ROCK2: variants seen among roughly 807,000 people sequenced by gnomAD.
The protein encoded by ROCK2 is rho-associated protein kinase 2.
A neutral mutation model predicts 195.1 loss-of-function variants in ROCK2; 61 were observed. The ratio of observed to expected loss-of-function variants is 0.31; its 90% CI spans 0.25 to 0.39. The LOEUF (loss-of-function observed/expected upper bound fraction) is 0.39. Among genes scored for constraint, ROCK2 ranks in the 10% least tolerant of loss-of-function variants. The pLI is 1.00. For synonymous variants in ROCK2, 504 were observed against 545.5 expected, an observed-to-expected ratio of 0.92 and a Z score of 1.06; for missense variants, 1,109 against 1,637.4, an observed-to-expected ratio of 0.68 and a Z score of 5.57.
intron 7 of ROCK2, among the ~76,000 whole-genome samples, chr2:11,222,886 A>G (rs753490608): frequency 6.6e-6 from 1 of 152,132 alleles, no homozygotes; most frequent in Non-Finnish European, 1.5e-5. Context: ...TTTTCCACCT[A>G]TAATCATTCC....
chr2:11,343,692 C>A (rs758235980), intron 1 of ROCK2, among the ~76,000 whole-genome samples: 1 of 152,186 alleles, frequency 6.6e-6, no homozygotes, highest in Non-Finnish European at 1.5e-5. Context: ...CAGTCCTCCA[C>A]CCACCTCCCC....
At chr2:11,317,610 ATATTT>A (rs1432343652) in intron 1 of ROCK2, among the ~76,000 whole-genome samples, 2 of 16,814 alleles carry the variant, frequency 1.2e-4, no homozygotes, top group African/African-American at 4.0e-4. Flanking sequence ...ATATATATAT[ATATTT>A]TTTTTTTTTT....
intron 6 of ROCK2, among the ~76,000 whole-genome samples, chr2:11,226,686 AG>A (rs1664822082): frequency 6.6e-6 from 1 of 151,920 alleles, no homozygotes; most frequent in Non-Finnish European, 1.5e-5. Flanking sequence ...CTGAGGTGGG[AG>A]TAACACTTGA....
At chr2:11,302,678 T>C (rs773923144) in intron 1 of ROCK2, among the ~76,000 whole-genome samples, 8 of 152,154 alleles carry the variant, frequency 5.3e-5, no homozygotes, top group Non-Finnish European at 8.8e-5. Context: ...CTCTGGTAAA[T>C]GTAAAATACA....
intron 1 of ROCK2, among the ~76,000 whole-genome samples, chr2:11,307,723 C>A (rs1667902161): frequency 6.6e-6 from 1 of 152,174 alleles, no homozygotes; most frequent in Non-Finnish European, 1.5e-5. Flanking sequence ...CCCTCCATAT[C>A]CACGGTTTCT....
Position 11,217,277 on chromosome 2 carries a change from T to C in ROCK2, c.1333-108A>G, listed in dbSNP as rs776890925. ...TTTTGTCTTTCCACTAAACATAATG[T>C]CCTCTATAATGGTACAGTATTTGTA... is the stretch of plus-strand genomic sequence containing the variant. On this transcript the variant is annotated intron_variant, in intron 11 of 32. Transcript: ENST00000315872. The C allele has an allele frequency of 2.8e-5, 21 of 742,424 alleles. No homozygotes were observed. The South Asian group carries it at 2.9e-4, about 10-fold the overall frequency. 46.0% of individuals were successfully genotyped at this position (742,424 alleles called of 1,614,324 possible).
At chr2:11,300,436 G>A (rs1027641005) in intron 1 of ROCK2, among the ~76,000 whole-genome samples, 1 of 151,888 alleles carries the variant, frequency 6.6e-6, no homozygotes, top group Admixed American at 6.6e-5. Context: ...GCTTATTTTT[G>A]TACTTTTAGT....
chr2:11,321,033 T>C (rs555693048), intron 1 of ROCK2, among the ~76,000 whole-genome samples: 1 of 152,300 alleles, frequency 6.6e-6, no homozygotes, highest in East Asian at 1.9e-4. Context: ...ATTCCTGCCA[T>C]GCTAGCCAGA....
At chr2:11,183,494 G>C in intron 32 of ROCK2, 54 bp from the exon 33 acceptor site, 4 of 1,327,122 alleles carry the variant, frequency 3.0e-6, no homozygotes, top group Non-Finnish European at 4.2e-6. Context: ...ATTTAAGAGT[G>C]TTAAATTCCT....
chr2:11,283,517 C>A (rs541972230), intron 3 of ROCK2, among the ~76,000 whole-genome samples: 1 of 138,036 alleles, frequency 7.2e-6, no homozygotes, highest in East Asian at 2.2e-4. Context: ...GCCGAGATTG[C>A]GCCACTGCAG....
intron 27 of ROCK2, among the ~76,000 whole-genome samples, chr2:11,196,744 C>T (rs1663651227): frequency 6.6e-6 from 1 of 152,124 alleles, no homozygotes; most frequent in Non-Finnish European, 1.5e-5. Flanking sequence ...TCTTCTGAGT[C>T]AGAATCAGAG....
chr2:11,309,552 C>A (rs575181189), intron 1 of ROCK2, among the ~76,000 whole-genome samples: 1 of 152,064 alleles, frequency 6.6e-6, no homozygotes, highest in Non-Finnish European at 1.5e-5. Flanking sequence ...AACAGTATTG[C>A]AAATTAGGGT....
chr2:11,187,979 G>A (rs1216533449), intron 32 of ROCK2, among the ~76,000 whole-genome samples: 1 of 151,742 alleles, frequency 6.6e-6, no homozygotes, highest in Admixed American at 6.6e-5. Context: ...CTTAAAACTC[G>A]GTAAGTGAGC....
intron 5 of ROCK2, among the ~76,000 whole-genome samples, chr2:11,229,538 A>T (rs2148091311): frequency 6.6e-6 from 1 of 151,856 alleles, no homozygotes; most frequent in Admixed American, 6.6e-5. Context: ...TCTATCTCCT[A>T]AAACCAGAGG....
intron 3 of ROCK2, among the ~76,000 whole-genome samples, chr2:11,284,063 T>C (rs1667107420): frequency 6.6e-6 from 1 of 152,170 alleles, no homozygotes; most frequent in African/African-American, 2.4e-5. Flanking sequence ...CAACAGAATA[T>C]TGTTTAGTAA....
At chr2:11,259,310 T>C (rs1467146939) in intron 3 of ROCK2, among the ~76,000 whole-genome samples, 1 of 6,452 alleles carries the variant, frequency 1.5e-4, no homozygotes, top group African/African-American at 2.2e-4. Context: ...CAGACTGAAG[T>C]ATCTTTGCAT....
intron 1 of ROCK2, among the ~76,000 whole-genome samples, chr2:11,296,052 A>AGAGAGAGAGAG (rs1558370127): frequency 6.5e-4 from 31 of 47,872 alleles, no homozygotes; most frequent in Non-Finnish European, 1.1e-3. Flanking sequence ...GAGAGAGAGA[A>AGAGAGAGAGAG]AACAAAGGGT....
At chr2:11,250,123 T>TAA (rs1665779295) in intron 3 of ROCK2, among the ~76,000 whole-genome samples, 2 of 152,282 alleles carry the variant, frequency 1.3e-5, no homozygotes, top group South Asian at 4.1e-4. Flanking sequence ...TATTGTTAAA[T>TAA]AAGAAACTTA....
At position 11,282,243 on chromosome 2, in the gene ROCK2, C is replaced by T. The variant is rs548266725; in HGVS notation, c.324+4296G>A. Reference sequence around the variant, plus strand: ...GCACACGCTTGTAGTCCCAGCTACTCGAGAGGCTGGGGCAGCAGGATCACC... The same window carrying T: ...GCACACGCTTGTAGTCCCAGCTACTTGAGAGGCTGGGGCAGCAGGATCACC... On this transcript the variant is annotated intron_variant, in intron 3 of 32. Coordinates refer to ENST00000315872, the MANE Select transcript of ROCK2 (RefSeq NM_004850.5). Among the ~76,000 whole-genome samples, 7 of 152,012 alleles carry T rather than the reference C, an allele frequency of 4.6e-5. No homozygotes were observed. In the East Asian group the frequency reaches 9.7e-4, roughly 21 times the overall value.
Sources: allele counts gnomAD v4.1 joint callset (sites outside exome capture counted in the v4.1 genomes callset), GRCh38; gene constraint gnomAD v4.1.1; transcripts MANE v1.5; gene names NCBI Gene and HGNC (gene_info 2026-07-23, HGNC 2026-07-21).